The following FANCC variants were observed in gnomAD, a reference collection of about 807,000 sequenced individuals.
FANCC encodes FA complementation group C.
Under a neutral mutation model 71.3 loss-of-function variants are expected in FANCC, and 55 were observed. The ratio of observed to expected loss-of-function variants is 0.77; its 90% CI spans 0.62 to 0.97. FANCC has a LOEUF of 0.97. Ranked by LOEUF, FANCC falls within the 50% of genes least tolerant of loss-of-function variation. FANCC has a pLI of 0.00. For synonymous variants in FANCC, 275 were observed against 244.9 expected, an observed-to-expected ratio of 1.12 and a Z score of -1.15; for missense variants, 678 against 670.9, an observed-to-expected ratio of 1.01 and a Z score of -0.12.
At chr9:95,190,634 C>T (rs1156980547) in intron 4 of FANCC, among the ~76,000 whole-genome samples, 3 of 152,214 alleles carry the variant, frequency 2.0e-5, no homozygotes, top group African/African-American at 7.2e-5. Context: ...CAGGGCTGCA[C>T]CTGTACATCT....
intron 1 of FANCC, among the ~76,000 whole-genome samples, chr9:95,304,175 C>T (rs766255389): frequency 6.6e-6 from 1 of 152,186 alleles, no homozygotes; most frequent in Non-Finnish European, 1.5e-5. Context: ...ATTCATCTCC[C>T]ACACATTCTG....
At chr9:95,125,348 T>C (rs1825814849) in intron 9 of FANCC, among the ~76,000 whole-genome samples, 163 bp from the exon 10 acceptor site, 2 of 152,230 alleles carry the variant, frequency 1.3e-5, no homozygotes, top group Admixed American at 6.5e-5. Flanking sequence ...ACAGGATAAA[T>C]TTGTCGCTCC....
chr9:95,214,031 C>T (rs193041120), intron 4 of FANCC, among the ~76,000 whole-genome samples: 12 of 152,198 alleles, frequency 7.9e-5, no homozygotes, highest in African/African-American at 2.6e-4. Flanking sequence ...AGCTAACAAG[C>T]ACATGAAAAG....
intron 1 of FANCC, among the ~76,000 whole-genome samples, chr9:95,280,593 T>G (rs1833329571): frequency 1.3e-5 from 2 of 152,078 alleles, no homozygotes; most frequent in Admixed American, 1.3e-4. Flanking sequence ...AAAAAGCAAT[T>G]AAAAATAAAT....
chr9:95,122,943 C>T (rs984076053), intron 10 of FANCC, among the ~76,000 whole-genome samples: 8 of 152,140 alleles, frequency 5.3e-5, no homozygotes, highest in African/African-American at 1.7e-4. Context: ...CCATGGATAG[C>T]GCAGCTTGCT....
At chr9:95,225,221 C>T (rs1248531649) in intron 4 of FANCC, among the ~76,000 whole-genome samples, 1 of 152,178 alleles carries the variant, frequency 6.6e-6, no homozygotes, top group Non-Finnish European at 1.5e-5. Context: ...GTAGTGCAGA[C>T]ATCCACACAT....
At chr9:95,267,929 T>C (rs1020914795) in intron 1 of FANCC, among the ~76,000 whole-genome samples, 11 of 152,180 alleles carry the variant, frequency 7.2e-5, no homozygotes, top group African/African-American at 2.7e-4. Context: ...CACTCTGTCT[T>C]GACAAAACAC....
At chr9:95,316,868 G>A (rs998424624) in intron 1 of FANCC, 6 of 152,222 alleles carry the variant, frequency 3.9e-5, no homozygotes, top group African/African-American at 1.4e-4. Flanking sequence ...GATATGGCCT[G>A]GCGTCCACAA....
rs779261511 is a variant in FANCC at position 95,111,533 on chromosome 9, G to C, written c.1259C>G (p.Thr420Arg). The C allele has an allele frequency of 6.2e-7, 1 of 1,614,044 alleles. No individual in the cohort carries two copies. Among genetic ancestry groups the C allele is most frequent in the African/African-American group, 1.3e-5 (1 of 74,934 alleles). Residue 420 changes from threonine (T) to arginine (R), a missense_variant, in exon 13 of 15, where the codon ACG becomes AGG. By Grantham distance (71) the Thr-to-Arg change is moderately conservative (BLOSUM62 -1). Coordinates refer to ENST00000289081, the MANE Select transcript of FANCC (RefSeq NM_000136.3). ...QLLMSAAEPP[T>R]ALLWLLAFYY... ...GAAGGCCAAGAGCCACAGCAGGGCC[G>C]TGGGGGGTTCGGCTGCCGACATCAG...
At chr9:95,222,514 A>G (rs924972901) in intron 4 of FANCC, among the ~76,000 whole-genome samples, 12 of 152,220 alleles carry the variant, frequency 7.9e-5, no homozygotes, top group African/African-American at 2.9e-4. Flanking sequence ...TAAAAGGGCA[A>G]GAGAGAACTT....
intron 1 of FANCC, among the ~76,000 whole-genome samples, chr9:95,291,961 A>ATAT (rs1280558528): frequency 3.8e-5 from 4 of 104,286 alleles, no homozygotes; most frequent in African/African-American, 1.3e-4. Context: ...AAAAAAAAAA[A>ATAT]AAAAAAATAT....
intron 6 of FANCC, among the ~76,000 whole-genome samples, chr9:95,151,278 C>T (rs1438355125): frequency 1.3e-5 from 2 of 152,168 alleles, no homozygotes; most frequent in African/African-American, 4.8e-5. Context: ...TTCCTAGCAC[C>T]TAGGGATAAC....
chr9:95,174,079 GGCAAAGTACCTCAGAC>G (rs1825859504), intron 4 of FANCC, among the ~76,000 whole-genome samples: 1 of 152,160 alleles, frequency 6.6e-6, no homozygotes, highest in African/African-American at 2.4e-5. Context: ...GTGCTGCTAT[GGCAAAGTACCTCAGAC>G]TGGGTCATTT....
At chr9:95,149,806 A>G in intron 7 of FANCC, 117 bp downstream of exon 7, 1 of 1,165,838 alleles carries the variant, frequency 8.6e-7, no homozygotes, top group Admixed American at 2.0e-5. Context: ...TTAAGAGTAT[A>G]AAGGGTACTG....
chr9:95,125,158 G>A lies in FANCC; in HGVS notation c.924C>T (p.Ala308=), dbSNP rs864622225. ...FRCALLETDG[A]LEIIATIQVF... ...CCTGAATAGTGGCTATGATTTCCAG[G>A]GCCCCATCGGTTTCCAGGAGTGCAC... Residue 308 remains alanine, a synonymous_variant, in exon 10 of 15, where the codon GCC becomes GCT. Transcript: ENST00000289081. 2.5e-6 allele frequency: 4 copies of A among 1,614,050 alleles called. No homozygotes were observed. In the Middle Eastern group the frequency reaches 4.9e-4, roughly 200 times the overall value.
intron 6 of FANCC, among the ~76,000 whole-genome samples, chr9:95,153,152 G>A (rs1830274633): frequency 6.6e-6 from 1 of 152,080 alleles, no homozygotes. Flanking sequence ...TAAAATAATG[G>A]CCTCCAGCTC....
At chr9:95,107,825 G>A (rs75110104) in intron 13 of FANCC, among the ~76,000 whole-genome samples, 40 of 152,190 alleles carry the variant, frequency 2.6e-4, no homozygotes, top group African/African-American at 9.2e-4. Flanking sequence ...TTAGATGCCG[G>A]AACAATCTGT....
Position 95,250,999 on chromosome 9 carries a change from G to T in FANCC, c.-78-1630C>A, listed in dbSNP as rs145527724. ...CCCTGCAAAACATGGCTCCAGCACC[G>T]TCTCTGACAGCCCTTATTTCCTCTC... is the stretch of plus-strand genomic sequence containing the variant. On this transcript the variant is annotated intron_variant, in intron 1 of 14. Transcript: ENST00000289081. Among the ~76,000 whole-genome samples, 373 of 152,276 alleles carry T rather than the reference G, an allele frequency of 2.4e-3. 1 individual carries two copies. Among genetic ancestry groups the T allele is most frequent in the African/African-American group, 8.6e-3 (356 of 41,562 alleles).
At chr9:95,163,023 C>A (rs1192876403) in intron 6 of FANCC, among the ~76,000 whole-genome samples, 1 of 152,220 alleles carries the variant, frequency 6.6e-6, no homozygotes, top group African/African-American at 2.4e-5. Context: ...TATCCAAGAT[C>A]ATTGCGAAGT....
Sources: allele counts gnomAD v4.1 joint callset (sites outside exome capture counted in the v4.1 genomes callset), GRCh38; gene constraint gnomAD v4.1.1; transcripts MANE v1.5; gene names NCBI Gene and HGNC (gene_info 2026-07-23, HGNC 2026-07-21).